Variants in SYTL4 observed in about 807,000 individuals in gnomAD.
SYTL4 encodes the protein synaptotagmin-like protein 4.
Under a neutral mutation model 52.7 loss-of-function variants are expected in SYTL4, and 16 were observed. The ratio of observed to expected loss-of-function variants is 0.30; its 90% CI spans 0.21 to 0.46. The LOEUF is 0.46. SYTL4 is among the 20% of genes least tolerant of loss of function. The probability of loss-of-function intolerance (pLI) is 1.00; values close to 1 mark genes in which losing one functional copy is unlikely to be tolerated. For synonymous variants in SYTL4, 160 were observed against 186.6 expected (o/e 0.86, Z 1.16); for missense variants, 423 against 519.9 (o/e 0.81, Z 1.81).
intron 8 of SYTL4, among the ~76,000 whole-genome samples, chrX:100,699,282 G>A (rs2083783837): frequency 9.4e-6 from 1 of 105,954 alleles, no homozygotes; most frequent in Non-Finnish European, 1.9e-5. Flanking sequence ...CAGGAAAATC[G>A]CTTGAACCTG....
chrX:100,730,098 T>A (rs2084610386), intron 2 of SYTL4, among the ~76,000 whole-genome samples: 1 of 110,385 alleles, frequency 9.1e-6, no homozygotes, highest in Non-Finnish European at 1.9e-5. Context: ...AGGAAGAAGT[T>A]GAGTCAGGCA....
chrX:100,689,205 C>T lies in SYTL4; in HGVS notation c.912+651G>A, dbSNP rs2147714693. Among the ~76,000 whole-genome samples, 3 of 99,333 alleles carry T rather than the reference C, an allele frequency of 3.0e-5. No homozygotes were observed. The South Asian group carries it at 1.5e-3, about 51-fold the overall frequency. 86.3% of individuals were successfully genotyped at this position (99,333 alleles called of 115,157 possible). A position where few individuals can be genotyped will look rare whatever the true frequency, so the allele number is the denominator to read the frequency against. Reference sequence around the variant, plus strand: ...CTGGGAAATACAGTGAGACTCCCATCTCTCAAAAAAAAAAAAAAAATTAGC... The same window carrying T: ...CTGGGAAATACAGTGAGACTCCCATTTCTCAAAAAAAAAAAAAAAATTAGC... On this transcript the variant is annotated intron_variant, in intron 12 of 19. Transcript: ENST00000372989.
chrX:100,713,190 AT>A (rs926403661), intron 2 of SYTL4, among the ~76,000 whole-genome samples: 1 of 112,594 alleles, frequency 8.9e-6, no homozygotes, highest in Admixed American at 9.4e-5. Flanking sequence ...CACACCCACA[AT>A]CCCAGCACTT....
chrX:100,709,309 A>G (rs1459610729), intron 2 of SYTL4, among the ~76,000 whole-genome samples: 2 of 106,651 alleles, frequency 1.9e-5, no homozygotes, highest in Non-Finnish European at 3.8e-5. Flanking sequence ...CCTGGCCAAC[A>G]TGGTGAAACC....
intron 3 of SYTL4, among the ~76,000 whole-genome samples, chrX:100,703,879 T>C (rs763344085): frequency 8.9e-6 from 1 of 112,475 alleles, no homozygotes; most frequent in South Asian, 3.7e-4. Context: ...TATTTGTATA[T>C]GCAAAGAGAA....
intron 16 of SYTL4, among the ~76,000 whole-genome samples, chrX:100,683,484 C>G (rs1357474077): frequency 9.0e-6 from 1 of 111,154 alleles, no homozygotes; most frequent in African/African-American, 3.3e-5. Flanking sequence ...CTTACCAATG[C>G]TAGGAAGGCA....
intron 2 of SYTL4, among the ~76,000 whole-genome samples, chrX:100,715,642 A>G (rs2084187306): frequency 9.0e-6 from 1 of 110,696 alleles, no homozygotes; most frequent in African/African-American, 3.3e-5. Context: ...TCAAAAGTGG[A>G]CTCTAGGCTA....
At chrX:100,716,409 C>CA (rs2084213348) in intron 2 of SYTL4, among the ~76,000 whole-genome samples, 1 of 84,248 alleles carries the variant, frequency 1.2e-5, no homozygotes, top group Non-Finnish European at 2.2e-5. Context: ...GAGATCACAC[C>CA]ACTGCACTCC....
At position 100,681,280 on chromosome X, in the gene SYTL4, G is replaced by A; in HGVS notation, c.1505C>T (p.Ser502Leu). ...TTTGGAGGCTGGGATGTATTTCAAT[G>A]AAACCACCAACTCGCCTTTGTGTGA... ...LPSHKGELVV[S>L]LKYIPASKTP... Residue 502 changes from serine to leucine, a missense_variant, in exon 17 of 20, where the codon TCA becomes TTA. Coordinates refer to ENST00000372989, the MANE Select transcript of SYTL4 (RefSeq NM_001370165.1). 1 of 1,211,418 alleles carries A rather than the reference G, an allele frequency of 8.3e-7. No homozygotes were observed. The highest frequency in any genetic ancestry group is 1.1e-6 in the Non-Finnish European group (1 of 895,375).
intron 16 of SYTL4, 155 bp downstream of exon 16, chrX:100,685,835 C>G (rs1196276419): frequency 2.0e-6 from 1 of 500,070 alleles, no homozygotes; most frequent in African/African-American, 2.4e-5. Flanking sequence ...AGACAAATGC[C>G]TCTGAAATTG....
intron 2 of SYTL4, among the ~76,000 whole-genome samples, chrX:100,708,218 TA>T (rs974208016): frequency 3.7e-5 from 4 of 109,021 alleles, no homozygotes; most frequent in Non-Finnish European, 5.7e-5. Flanking sequence ...TAAAGTATAA[TA>T]AAAAAAATTA....
intron 2 of SYTL4, among the ~76,000 whole-genome samples, chrX:100,729,690 A>G (rs967027613): frequency 2.0e-4 from 22 of 111,273 alleles, no homozygotes; most frequent in African/African-American, 7.2e-4. Context: ...CAGGTGGAAA[A>G]ACAACTAAGC....
chrX:100,680,604 A>C (rs2083355145), intron 17 of SYTL4, among the ~76,000 whole-genome samples: 1 of 110,672 alleles, frequency 9.0e-6, no homozygotes, highest in Non-Finnish European at 1.9e-5. Context: ...GCCTTTTTAA[A>C]ACCTTTGCGC....
Position 100,709,775 on chromosome X carries a change from T to G in SYTL4, c.-239-4889A>C, listed in dbSNP as rs193065727. On this transcript the variant is annotated intron_variant, in intron 2 of 19. Transcript: ENST00000372989. ...ACCTATTTTTGTCAGTTTGTATATG[T>G]TCATTTGTGCTTTCGGACTTAACTA... Among the ~76,000 whole-genome samples the G allele has an allele frequency of 1.7e-3, 189 of 112,713 alleles. 1 individual carries two copies. The highest frequency in any genetic ancestry group is 5.9e-3 in the African/African-American group (183 of 31,086).
At chrX:100,699,236 G>A (rs979218763) in intron 8 of SYTL4, among the ~76,000 whole-genome samples, 8 of 107,020 alleles carry the variant, frequency 7.5e-5, no homozygotes, top group African/African-American at 2.0e-4. Context: ...GCTTAGTGAC[G>A]CGTGCCTGTA....
At chrX:100,730,496 A>T (rs1300373763) in intron 2 of SYTL4, among the ~76,000 whole-genome samples, 1 of 111,247 alleles carries the variant, frequency 9.0e-6, no homozygotes, top group African/African-American at 3.3e-5. Flanking sequence ...TCTCTTTTTC[A>T]TCATAATATG....
intron 2 of SYTL4, among the ~76,000 whole-genome samples, chrX:100,712,939 G>C (rs1322408243): frequency 8.9e-6 from 1 of 112,018 alleles, no homozygotes; most frequent in Non-Finnish European, 1.9e-5. Flanking sequence ...ACCACAATGA[G>C]ATATCACTAC....
chrX:100,694,958 C>A (rs1052444334), intron 8 of SYTL4, among the ~76,000 whole-genome samples: 3 of 110,967 alleles, frequency 2.7e-5, no homozygotes. Flanking sequence ...TAGCACAAGA[C>A]ATAGCAGGGG....
In SYTL4 at chrX:100,687,336, T is replaced by C; in HGVS notation, c.1006-91A>G. The C allele has an allele frequency of 3.6e-6, 3 of 837,392 alleles. No homozygotes were observed. In the South Asian group the frequency reaches 7.3e-5, roughly 20 times the overall value. The allele number at this position is 837,392 out of a possible 1,213,427, so 69.0% of individuals were successfully genotyped here. On this transcript the variant is annotated intron_variant, in intron 13 of 19. Transcript: ENST00000372989. The stretch of plus-strand genomic sequence containing the variant: ...TCCCTCATGATAAAACCACAGTCAC[T>C]GAACAGAAGTTTCAGAAGCCCCTGC...
Sources: gnomAD v4.1 joint callset for allele counts (sites outside exome capture counted in the v4.1 genomes callset) on GRCh38, gnomAD v4.1.1 for gene constraint, MANE v1.5 for transcripts, NCBI Gene and HGNC (gene_info 2026-07-23, HGNC 2026-07-21) for gene names.